Variants in AADAT observed in about 807,000 individuals in gnomAD.
AADAT encodes the protein kynurenine/alpha-aminoadipate aminotransferase, mitochondrial.
In AADAT, 25 loss-of-function variants were observed where a neutral mutation model predicts 56.2. The ratio of observed to expected loss-of-function variants is 0.44; its 90% CI spans 0.32 to 0.62. The LOEUF is 0.62. Ranked by LOEUF, AADAT falls within the 20% of genes least tolerant of loss-of-function variation. The pLI, the probability that AADAT is intolerant of heterozygous loss-of-function variation, is 0.04. For synonymous variants in AADAT, 173 were observed against 164.7 expected, an observed-to-expected ratio of 1.05 and a Z score of -0.39; for missense variants, 387 against 510.5, an observed-to-expected ratio of 0.76 and a Z score of 2.33.
intron 1 of AADAT, chr4:170,089,262 T>A: frequency 2.1e-6 from 1 of 484,246 alleles, no homozygotes; most frequent in South Asian, 1.7e-5. Flanking sequence ...CCCATTTACC[T>A]GGCCCTCTCC....
intron 8 of AADAT, among the ~76,000 whole-genome samples, 183 bp downstream of exon 8, chr4:170,068,408 G>A (rs1561013192): frequency 1.3e-5 from 2 of 151,994 alleles, no homozygotes; most frequent in Non-Finnish European, 2.9e-5. Flanking sequence ...CTTAAATTAA[G>A]TTTACTTTAT....
Position 170,085,505 on chromosome 4 carries a change from T to C in AADAT, c.369+1611A>G, listed in dbSNP as rs985683033. ...CATATTAGTGCCCCTATAATAAGCA[T>C]GTCTGTAAGTAGTAAGTTATTGACG... On this transcript the variant is annotated intron_variant, in intron 3 of 12. Coordinates refer to ENST00000337664, the MANE Select transcript of AADAT (RefSeq NM_016228.4). Among the ~76,000 whole-genome samples, 101 of 152,330 alleles carry C rather than the reference T, an allele frequency of 6.6e-4. 1 individual carries two copies. The highest frequency in any genetic ancestry group is 5.3e-4 in the African/African-American group (22 of 41,576).
At chr4:170,092,912 TA>T (rs1173316150), upstream of AADAT, among the ~76,000 whole-genome samples, 2 of 152,032 alleles carry the variant, frequency 1.3e-5, no homozygotes, top group Non-Finnish European at 2.9e-5. Context: ...TGTTCTCAGT[TA>T]ATCCATGCAC....
At chr4:170,085,632 T>C (rs1732523239) in intron 3 of AADAT, among the ~76,000 whole-genome samples, 1 of 152,228 alleles carries the variant, frequency 6.6e-6, no homozygotes. Flanking sequence ...AAGTCCATAG[T>C]ATCCTTTCTT....
At chr4:170,075,449 C>G (rs558782177) in intron 4 of AADAT, among the ~76,000 whole-genome samples, 2 of 152,182 alleles carry the variant, frequency 1.3e-5, no homozygotes, top group African/African-American at 4.8e-5. Flanking sequence ...ATCCTTACAC[C>G]TCAGTCTTCT....
chr4:170,084,252 G>A (rs1732450805), intron 3 of AADAT, among the ~76,000 whole-genome samples: 1 of 152,038 alleles, frequency 6.6e-6, no homozygotes, highest in South Asian at 2.1e-4. Flanking sequence ...GGGAGATAGG[G>A]TGAAGGAAAA....
intron 3 of AADAT, among the ~76,000 whole-genome samples, chr4:170,078,901 T>C (rs544605106): frequency 5.9e-4 from 90 of 152,320 alleles, no homozygotes; most frequent in African/African-American, 1.9e-3. Context: ...GTTTGCCAAC[T>C]CCTGTTCCAG....
chr4:170,089,106 T>C (rs1029663843), intron 1 of AADAT, among the ~76,000 whole-genome samples: 13 of 152,220 alleles, frequency 8.5e-5, no homozygotes, highest in African/African-American at 3.1e-4. Context: ...TAACTTTTTC[T>C]AGGCACCTCA....
intron 4 of AADAT, among the ~76,000 whole-genome samples, 178 bp downstream of exon 4, chr4:170,078,331 T>A (rs931559693): frequency 4.6e-5 from 7 of 152,168 alleles, no homozygotes; most frequent in African/African-American, 1.7e-4. Context: ...TTTGTATATA[T>A]CCTTTAAGAT....
chr4:170,067,411 T>G, intron 8 of AADAT, 23 bp from the exon 9 acceptor site: 1 of 1,598,338 alleles, frequency 6.3e-7, no homozygotes, highest in South Asian at 1.1e-5. Flanking sequence ...AAATCATAAA[T>G]ACCATGTTTC....
intron 11 of AADAT, among the ~76,000 whole-genome samples, chr4:170,063,692 C>T (rs1053815756): frequency 3.3e-5 from 5 of 152,184 alleles, no homozygotes; most frequent in African/African-American, 9.7e-5. Context: ...TCTAGAGCAC[C>T]TTGTCTCTTA....
chr4:170,072,859 A>G (rs558136446), intron 5 of AADAT, among the ~76,000 whole-genome samples: 1 of 152,312 alleles, frequency 6.6e-6, no homozygotes, highest in East Asian at 1.9e-4. Flanking sequence ...ATAAAATATT[A>G]AATAATCTCA....
In AADAT at chr4:170,068,780, T is replaced by G. The variant is rs1731610527; in HGVS notation, c.804-93A>C. 4 of 808,336 alleles carry G rather than the reference T, an allele frequency of 4.9e-6. No individual in the cohort carries two copies. The East Asian group carries it at 1.1e-4, about 22-fold the overall frequency. 50.1% of individuals were successfully genotyped at this position (808,336 alleles called of 1,614,324 possible). ...TTTCATTAGACAGACAATTGTGACC[T>G]GGGGACAAAAGGATCTAGATAATTA... On this transcript the variant is annotated intron_variant, in intron 7 of 12. Coordinates refer to ENST00000337664, the MANE Select transcript of AADAT (RefSeq NM_016228.4).
At chr4:170,066,842 G>A (rs984290892) in intron 9 of AADAT, among the ~76,000 whole-genome samples, 1 of 152,068 alleles carries the variant, frequency 6.6e-6, no homozygotes, top group Admixed American at 6.6e-5. Flanking sequence ...CTGGGAATGC[G>A]AATACCCCAT....
chr4:170,060,556 TA>T lies in AADAT; in HGVS notation c.*371del, dbSNP rs1180733514. ...TTTTTCAAAATGCCTAAGTGGATTA[TA>T]AATACAGTTTGGCCATCTGATGAAT... is the stretch of plus-strand genomic sequence containing the variant. On this transcript the variant is annotated 3_prime_UTR_variant, in exon 13 of 13. Coordinates refer to ENST00000337664, the MANE Select transcript of AADAT (RefSeq NM_016228.4). 1.2e-5 allele frequency: 2 copies of T among 164,606 alleles called. No homozygotes were observed. Among genetic ancestry groups the T allele is most frequent in the East Asian group, 3.3e-4 (2 of 6,050 alleles). The allele number at this position is 164,606 out of a possible 1,614,324, so 10.2% of individuals were successfully genotyped here. A position where few individuals can be genotyped will look rare whatever the true frequency, so the allele number is the denominator to read the frequency against.
chr4:170,071,488 A>G (rs1731758538), intron 5 of AADAT, among the ~76,000 whole-genome samples: 1 of 152,220 alleles, frequency 6.6e-6, no homozygotes, highest in African/African-American at 2.4e-5. Flanking sequence ...GAAGAATGAT[A>G]AGAGAGAAGG....
intron 4 of AADAT, 32 bp from the exon 5 acceptor site, chr4:170,073,377 C>T (rs776725984): frequency 6.4e-7 from 1 of 1,572,140 alleles, no homozygotes; most frequent in South Asian, 1.2e-5. Context: ...CTGAGTCAGT[C>T]ATGATTACAA....
At chr4:170,069,330 A>T in intron 6 of AADAT, 100 bp from the exon 7 acceptor site, 1 of 838,932 alleles carries the variant, frequency 1.2e-6, no homozygotes, top group Non-Finnish European at 1.9e-6. Context: ...GATTTGGATA[A>T]CAACAGTACA....
At chr4:170,079,571 A>C (rs1732193734) in intron 3 of AADAT, among the ~76,000 whole-genome samples, 1 of 152,200 alleles carries the variant, frequency 6.6e-6, no homozygotes, top group Admixed American at 6.5e-5. Flanking sequence ...CTTAAAGTAG[A>C]GTGGTGACAG....
Sources: allele counts gnomAD v4.1 joint callset (sites outside exome capture counted in the v4.1 genomes callset), GRCh38; gene constraint gnomAD v4.1.1; transcripts MANE v1.5; gene names NCBI Gene and HGNC (gene_info 2026-07-23, HGNC 2026-07-21).